TMEM175: variants seen among roughly 807,000 people sequenced by gnomAD.
TMEM175 encodes endosomal/lysosomal proton channel TMEM175.
In TMEM175, 36 loss-of-function variants were observed where a neutral mutation model predicts 36.5. The ratio of observed to expected loss-of-function variants is 0.99; its 90% CI spans 0.76 to 1.30. The LOEUF (loss-of-function observed/expected upper bound fraction) is 1.30, where lower values mean the gene tolerates loss of function less well. Among genes scored for constraint, TMEM175 ranks in the 50% most tolerant of loss-of-function variants. The pLI is 0.00. For synonymous variants in TMEM175, 339 were observed against 313.4 expected (o/e 1.08, Z -0.86); for missense variants, 705 against 692.8 (o/e 1.02, Z -0.20).
At position 947,906 on chromosome 4, in the gene TMEM175, C is replaced by T; in HGVS notation, c.153+14C>T. ...GCCACCGTCATGGTCTGTACGGGGCCCCTGCTTAGGCCTGCCCCACCCCGA... is the reference window on the plus strand; with the variant it reads ...GCCACCGTCATGGTCTGTACGGGGCTCCTGCTTAGGCCTGCCCCACCCCGA... On this transcript the variant is annotated intron_variant, in intron 2 of 10. Transcript: ENST00000264771. 6.2e-7 allele frequency: 1 copy of T among 1,613,890 alleles called. No homozygotes were observed. The highest frequency in any genetic ancestry group is 1.1e-5 in the South Asian group (1 of 91,080).
At chr4:951,555 C>T (rs2153002708) in intron 5 of TMEM175, 127 bp from the exon 6 acceptor site, 2 of 1,253,746 alleles carry the variant, frequency 1.6e-6, no homozygotes, top group Middle Eastern at 1.9e-4. Flanking sequence ...GGGGGCTGGA[C>T]TCACACTCGC....
chr4:956,030 T>C, intron 10 of TMEM175, 140 bp downstream of exon 10: 2 of 1,116,618 alleles, frequency 1.8e-6, no homozygotes, highest in South Asian at 3.2e-5. Flanking sequence ...TTGTGTGAGG[T>C]CAGGGCAGCC....
At chr4:953,074 A>C (rs1048976652) in intron 7 of TMEM175, 116 bp from the exon 8 acceptor site, 20 of 1,123,714 alleles carry the variant, frequency 1.8e-5, no homozygotes, top group Non-Finnish European at 2.3e-5. Flanking sequence ...GCCCGGGGCC[A>C]GGTCCTCCCC....
rs756034914 is a variant in TMEM175 at position 953,292 on chromosome 4, G to A, written c.565G>A (p.Val189Ile). 11 of 1,613,996 alleles carry A rather than the reference G, an allele frequency of 6.8e-6. No homozygotes were observed. Among genetic ancestry groups the A allele is most frequent in the East Asian group, 4.5e-5 (2 of 44,860 alleles). ...GTACCGACGACACGTCCTGGGCATC[G>A]TCCTCCAAGGCCCGGCCCTGTGCTT... Reference protein sequence around the residue: ...ALYRRHVLGIVLQGPALCFAA... With the variant: ...ALYRRHVLGIILQGPALCFAA... Residue 189 changes from valine (V) to isoleucine (I), a missense_variant, in exon 8 of 11, where the codon GTC becomes ATC. Val to Ile is a conservative substitution (Grantham distance 29, BLOSUM62 3). Coordinates refer to ENST00000264771, the MANE Select transcript of TMEM175 (RefSeq NM_032326.4).
intron 8 of TMEM175, among the ~76,000 whole-genome samples, chr4:953,629 G>C: frequency 6.6e-6 from 1 of 152,254 alleles, no homozygotes; most frequent in East Asian, 1.9e-4. Context: ...GAAGCTTCAC[G>C]ATGACGATGA....
At chr4:934,443 G>T (rs1726574493) in intron 1 of TMEM175, among the ~76,000 whole-genome samples, 1 of 152,172 alleles carries the variant, frequency 6.6e-6, no homozygotes, top group South Asian at 2.1e-4. Flanking sequence ...AGAAATGGAA[G>T]ATATGTGTTG....
In TMEM175 at chr4:958,554, T is replaced by C; in HGVS notation, c.*58T>C. 1 of 1,398,846 alleles carries C rather than the reference T, an allele frequency of 7.1e-7. No homozygotes were observed. Among genetic ancestry groups the C allele is most frequent in the South Asian group, 1.5e-5 (1 of 67,490 alleles). The allele number at this position is 1,398,846 out of a possible 1,614,324, so 86.7% of individuals were successfully genotyped here. On this transcript the variant is annotated 3_prime_UTR_variant, in exon 11 of 11. Coordinates refer to ENST00000264771, the MANE Select transcript of TMEM175 (RefSeq NM_032326.4). ...CAGAGATGGACCAGGGAGGACAGGATGCTGGGCAGGGGAAGCCAAGTCACG... is the reference window on the plus strand; with the variant it reads ...CAGAGATGGACCAGGGAGGACAGGACGCTGGGCAGGGGAAGCCAAGTCACG...
intron 5 of TMEM175, 72 bp from the exon 6 acceptor site, chr4:951,610 A>C: frequency 6.2e-7 from 1 of 1,601,642 alleles, no homozygotes; most frequent in South Asian, 1.1e-5. Flanking sequence ...GCCTTCCCGG[A>C]GTGGGCTCTG....
At chr4:944,193 T>C (rs1347686807) in intron 1 of TMEM175, among the ~76,000 whole-genome samples, 1 of 152,172 alleles carries the variant, frequency 6.6e-6, no homozygotes, top group East Asian at 1.9e-4. Context: ...CTCGGGAGGC[T>C]GAGGCACAAG....
intron 1 of TMEM175, among the ~76,000 whole-genome samples, chr4:944,278 G>C (rs949179541): frequency 6.6e-6 from 1 of 152,182 alleles, no homozygotes; most frequent in Non-Finnish European, 1.5e-5. Context: ...GGGCGACAGA[G>C]CAAGACTGTC....
chr4:945,374 C>T (rs888943260), intron 1 of TMEM175, among the ~76,000 whole-genome samples: 7 of 152,118 alleles, frequency 4.6e-5, no homozygotes, highest in Non-Finnish European at 1.0e-4. Context: ...GCCGTCCTGT[C>T]GTCTCACTCC....
intron 3 of TMEM175, 145 bp from the exon 4 acceptor site, chr4:950,276 A>T: frequency 1.5e-6 from 1 of 647,500 alleles, no homozygotes; most frequent in Non-Finnish European, 2.8e-6. Flanking sequence ...GGAGGCCAGG[A>T]CCCTCCCAGG....
intron 3 of TMEM175, chr4:948,727 T>A (rs964687092): frequency 8.9e-7 from 1 of 1,126,604 alleles, no homozygotes; most frequent in Non-Finnish European, 1.1e-6. Context: ...GGCCCACACC[T>A]GCCTGGCTCT....
chr4:939,045 G>A (rs1203097149), intron 1 of TMEM175, among the ~76,000 whole-genome samples: 4 of 152,182 alleles, frequency 2.6e-5, no homozygotes, highest in African/African-American at 4.8e-5. Flanking sequence ...GCCTGTAGTC[G>A]CAGCAACTCA....
intron 8 of TMEM175, among the ~76,000 whole-genome samples, chr4:954,623 A>G (rs955604951): frequency 6.6e-5 from 10 of 152,100 alleles, no homozygotes; most frequent in African/African-American, 2.4e-4. Flanking sequence ...GTCTCTTCAG[A>G]TCTGTCTTCT....
At chr4:944,851 A>G (rs1727931818) in intron 1 of TMEM175, among the ~76,000 whole-genome samples, 1 of 152,206 alleles carries the variant, frequency 6.6e-6, no homozygotes, top group African/African-American at 2.4e-5. Context: ...CTGTAATCCA[A>G]GCACTTTGGG....
At chr4:933,104 C>G (rs895187499) in intron 1 of TMEM175, among the ~76,000 whole-genome samples, 10 of 152,188 alleles carry the variant, frequency 6.6e-5, no homozygotes, top group African/African-American at 2.4e-4. Context: ...GGTGACTTTC[C>G]TTATAGGATA....
intron 8 of TMEM175, among the ~76,000 whole-genome samples, chr4:954,106 A>G (rs1259592799): frequency 1.3e-5 from 2 of 151,578 alleles, no homozygotes; most frequent in Non-Finnish European, 1.5e-5. Context: ...CTCCTGCCTC[A>G]GCCTCCTGAG....
chr4:957,769 GGGCCTGTGTGGCCAC>G, intron 10 of TMEM175, 40 bp from the exon 11 acceptor site: 1 of 1,533,214 alleles, frequency 6.5e-7, no homozygotes, highest in South Asian at 1.3e-5. Flanking sequence ...CACCCTGCTG[GGGCCTGTGTGGCCAC>G]GGCAAGGCCG....
Sources: allele counts gnomAD v4.1 joint callset (sites outside exome capture counted in the v4.1 genomes callset), GRCh38; gene constraint gnomAD v4.1.1; transcripts MANE v1.5; gene names NCBI Gene and HGNC (gene_info 2026-07-23, HGNC 2026-07-21).